PCDHA11: variants seen among roughly 807,000 people sequenced by gnomAD.
The protein encoded by PCDHA11 is protocadherin alpha 11, also known as protocadherin alpha-11.
PCDHA11 carries 61 observed loss-of-function variants against 70.3 expected under a neutral mutation model. That is an observed-to-expected ratio of 0.87 (90% confidence interval 0.71 to 1.07). PCDHA11 has a LOEUF of 1.07. Among genes scored for constraint, PCDHA11 ranks in the 50% least tolerant of loss-of-function variants. The pLI is 0.00. For synonymous variants in PCDHA11, 633 were observed against 555.1 expected, an observed-to-expected ratio of 1.14 and a Z score of -1.97; for missense variants, 1,324 against 1,237.5, an observed-to-expected ratio of 1.07 and a Z score of -1.05.
At chr5:140,984,295 A>C (rs1195087908) in intron 3 of PCDHA11, among the ~76,000 whole-genome samples, 3 of 152,208 alleles carry the variant, frequency 2.0e-5, no homozygotes, top group African/African-American at 7.2e-5. Flanking sequence ...CCCATTGGTG[A>C]TGCTGGTTGG....
At chr5:140,946,925 C>T (rs1431365562) in intron 1 of PCDHA11, among the ~76,000 whole-genome samples, 1 of 151,242 alleles carries the variant, frequency 6.6e-6, no homozygotes, top group South Asian at 2.1e-4. Context: ...TTTTATTGAA[C>T]AGTAGAGTGT....
At chr5:141,006,950 T>G (rs1169196116) in intron 3 of PCDHA11, among the ~76,000 whole-genome samples, 1 of 152,148 alleles carries the variant, frequency 6.6e-6, no homozygotes, top group African/African-American at 2.4e-5. Flanking sequence ...AGATAGGCAG[T>G]TATACATGAG....
At chr5:140,894,143 T>G (rs1322881071) in intron 1 of PCDHA11, among the ~76,000 whole-genome samples, 1 of 152,158 alleles carries the variant, frequency 6.6e-6, no homozygotes, top group Non-Finnish European at 1.5e-5. Flanking sequence ...ATAATTCCCT[T>G]CTATGTAATT....
chr5:140,970,847 C>A (rs2096437224), intron 1 of PCDHA11, among the ~76,000 whole-genome samples: 1 of 149,802 alleles, frequency 6.7e-6, no homozygotes, highest in Non-Finnish European at 1.5e-5. Context: ...TGCACAGGCA[C>A]AAAAGTTCCA....
At chr5:140,899,035 G>C (rs2067107583) in intron 1 of PCDHA11, among the ~76,000 whole-genome samples, 1 of 151,908 alleles carries the variant, frequency 6.6e-6, no homozygotes, top group African/African-American at 2.4e-5. Context: ...TTTGTACATT[G>C]ATTTTGTATC....
intron 1 of PCDHA11, among the ~76,000 whole-genome samples, chr5:140,892,143 C>T (rs983937899): frequency 3.3e-5 from 5 of 152,262 alleles, no homozygotes; most frequent in African/African-American, 9.6e-5. Flanking sequence ...ATGGTTTTAG[C>T]GTCTATTTCT....
intron 1 of PCDHA11, among the ~76,000 whole-genome samples, chr5:140,918,041 C>T (rs1554198405): frequency 6.6e-6 from 1 of 152,058 alleles, no homozygotes; most frequent in Non-Finnish European, 1.5e-5. Flanking sequence ...AAGGTCTTTC[C>T]ATTTGTTTTA....
chr5:141,008,594 C>A (rs1018305560), intron 3 of PCDHA11, among the ~76,000 whole-genome samples: 1 of 152,214 alleles, frequency 6.6e-6, no homozygotes, highest in African/African-American at 2.4e-5. Context: ...GCAGATTTCA[C>A]CTCCTCTGGA....
chr5:140,907,239 C>A (rs1447900433), intron 1 of PCDHA11, among the ~76,000 whole-genome samples: 1 of 152,200 alleles, frequency 6.6e-6, no homozygotes, highest in African/African-American at 2.4e-5. Flanking sequence ...ACCTAGTTGA[C>A]ATTGTAATTG....
At chr5:140,945,206 A>G (rs148955371) in intron 1 of PCDHA11, among the ~76,000 whole-genome samples, 1 of 152,282 alleles carries the variant, frequency 6.6e-6, no homozygotes, top group East Asian at 1.9e-4. Context: ...TACAATAGCT[A>G]TGAGAAAATA....
rs1554213921 is a variant in PCDHA11 at position 140,941,202 on chromosome 5, C to CTTTCTTTCTTTCTTTCTTT, written c.2392-37747_2392-37746insTTTCTTTCTTTCTTTCTTT. ...TCCTGCTTCTTTTTTTTTCTTTCTT[C>CTTTCTTTCTTTCTTTCTTT]CTTTCTTTCTTCCTTTCTTTCTTTC... On this transcript the variant is annotated intron_variant, in intron 1 of 3. Coordinates refer to ENST00000398640, the MANE Select transcript of PCDHA11 (RefSeq NM_018902.5). Among the ~76,000 whole-genome samples the CTTTCTTTCTTTCTTTCTTT allele has an allele frequency of 8.2e-4, 101 of 122,784 alleles. 3 individuals carry two copies. Among genetic ancestry groups the CTTTCTTTCTTTCTTTCTTT allele is most frequent in the East Asian group, 3.5e-3 (16 of 4,514 alleles). The allele number at this position is 122,784 out of a possible 152,430, so 80.6% of individuals were successfully genotyped here. A position where few individuals can be genotyped will look rare whatever the true frequency, so the allele number is the denominator to read the frequency against.
chr5:140,898,035 TG>T (rs1376690690), intron 1 of PCDHA11, among the ~76,000 whole-genome samples: 1 of 152,120 alleles, frequency 6.6e-6, no homozygotes, highest in Non-Finnish European at 1.5e-5. Flanking sequence ...TTGATGGGGT[TG>T]TTTGTTTTTT....
At position 140,869,407 on chromosome 5, in the gene PCDHA11, T is replaced by C; in HGVS notation, c.304T>C (p.Cys102Arg). The stretch of plus-strand genomic sequence containing the variant: ...GGAGCTGTGCGGGCAGAGCGCGGAG[T>C]GCAGCATCCACCTGGAGGTGATCGT... ...REELCGQSAE[C>R]SIHLEVIVDR... The change falls in exon 1 of 4, where the codon TGC (cysteine) becomes CGC (arginine). Residue 102 changes from cysteine (C) to arginine (R), a missense_variant. Transcript: ENST00000398640. 1.9e-6 allele frequency: 3 copies of C among 1,614,120 alleles called. No individual in the cohort carries two copies. The highest frequency in any genetic ancestry group is 2.5e-6 in the Non-Finnish European group (3 of 1,180,036).
rs377069661 is a variant in PCDHA11 at position 140,915,905 on chromosome 5, G to A, written c.2391+44411G>A. ...AGCAAGTTCCCCCTGGCCCTGGGCA[G>A]GCCCAGAGATGCTACTTGGGAGTCA... On this transcript the variant is annotated intron_variant, in intron 1 of 3. Transcript: ENST00000398640. Among the ~76,000 whole-genome samples, 6 of 152,266 alleles carry A rather than the reference G, an allele frequency of 3.9e-5. No individual in the cohort carries two copies. In the East Asian group the frequency reaches 1.2e-3, roughly 29 times the overall value.
At chr5:141,008,341 T>C (rs1307430556) in intron 3 of PCDHA11, among the ~76,000 whole-genome samples, 2 of 152,132 alleles carry the variant, frequency 1.3e-5, no homozygotes, top group African/African-American at 4.8e-5. Context: ...TGATGGAGCT[T>C]TTCACGTGTC....
intron 1 of PCDHA11, among the ~76,000 whole-genome samples, chr5:140,899,599 C>G (rs535938234): frequency 2.0e-5 from 3 of 152,232 alleles, no homozygotes; most frequent in South Asian, 4.2e-4. Context: ...TTATTGAGGA[C>G]TTTTGCATCA....
At chr5:140,895,532 A>G (rs546443647) in intron 1 of PCDHA11, among the ~76,000 whole-genome samples, 1 of 152,172 alleles carries the variant, frequency 6.6e-6, no homozygotes, top group East Asian at 1.9e-4. Flanking sequence ...TCGTTTTTCA[A>G]TTGTTGAGTT....
chr5:140,991,837 C>T (rs1379982421), intron 3 of PCDHA11, among the ~76,000 whole-genome samples: 3 of 152,158 alleles, frequency 2.0e-5, no homozygotes, highest in African/African-American at 7.2e-5. Context: ...ACGGCAGAAC[C>T]GCACTTCCAG....
At chr5:140,889,042 A>G (rs1395605890) in intron 1 of PCDHA11, among the ~76,000 whole-genome samples, 1 of 152,046 alleles carries the variant, frequency 6.6e-6, no homozygotes, top group African/African-American at 2.4e-5. Context: ...ATTTGATTAT[A>G]ATTTATAATC....
Sources: gnomAD v4.1 joint callset for allele counts (sites outside exome capture counted in the v4.1 genomes callset) on GRCh38, gnomAD v4.1.1 for gene constraint, MANE v1.5 for transcripts, NCBI Gene and HGNC (gene_info 2026-07-23, HGNC 2026-07-21) for gene names.